CACNB2: variants seen among roughly 807,000 people sequenced by gnomAD.
The protein encoded by CACNB2 is calcium voltage-gated channel auxiliary subunit beta 2, also known as voltage-dependent L-type calcium channel subunit beta-2.
In CACNB2, 42 loss-of-function variants were observed where a neutral mutation model predicts 73.3. The ratio of observed to expected loss-of-function variants is 0.57; its 90% CI spans 0.45 to 0.74. CACNB2 has a LOEUF of 0.74. Among genes scored for constraint, CACNB2 ranks in the 30% least tolerant of loss-of-function variants. CACNB2 has a pLI of 0.00. For missense variants in CACNB2, 940 were observed against 853.0 expected (o/e 1.10, Z -1.27); for synonymous variants, 348 against 310.3 (o/e 1.12, Z -1.28).
chr10:18,403,518 C>T (rs1174121569), intron 3 of CACNB2, among the ~76,000 whole-genome samples: 5 of 152,106 alleles, frequency 3.3e-5, no homozygotes, highest in Non-Finnish European at 7.3e-5. Flanking sequence ...GTTTCTCGGG[C>T]TTATATGCCA....
chr10:18,230,766 T>G (rs1200904787), intron 2 of CACNB2, among the ~76,000 whole-genome samples: 3 of 152,100 alleles, frequency 2.0e-5, no homozygotes, highest in African/African-American at 7.2e-5. Context: ...TTTATTTCTT[T>G]AATGTAAATG....
intron 3 of CACNB2, among the ~76,000 whole-genome samples, chr10:18,444,533 C>T (rs1350991705): frequency 6.6e-6 from 1 of 152,132 alleles, no homozygotes; most frequent in African/African-American, 2.4e-5. Context: ...TCTCAGTATC[C>T]AAGTTTTATG....
intron 2 of CACNB2, among the ~76,000 whole-genome samples, chr10:18,361,326 C>G (rs1221340826): frequency 7.1e-6 from 1 of 139,894 alleles, no homozygotes; most frequent in African/African-American, 2.7e-5. Flanking sequence ...CCTGTCTCTA[C>G]AAAAAATTAA....
chr10:18,416,322 A>T (rs1463274678), intron 3 of CACNB2, among the ~76,000 whole-genome samples: 1 of 152,204 alleles, frequency 6.6e-6, no homozygotes, highest in Admixed American at 6.5e-5. Flanking sequence ...ATTCCATTAC[A>T]TGTATAGACC....
intron 3 of CACNB2, among the ~76,000 whole-genome samples, chr10:18,490,838 C>T (rs2049368541): frequency 8.4e-6 from 1 of 118,702 alleles, no homozygotes; most frequent in Non-Finnish European, 1.7e-5. Context: ...TCTGATAAAC[C>T]CGGGCCGGTG....
intron 9 of CACNB2, among the ~76,000 whole-genome samples, chr10:18,526,921 C>A (rs781411116): frequency 6.6e-6 from 1 of 152,182 alleles, no homozygotes; most frequent in Non-Finnish European, 1.5e-5. Flanking sequence ...TAGTTACATA[C>A]ATACCCTTGG....
chr10:18,231,247 GCTCACT>G, intron 2 of CACNB2, among the ~76,000 whole-genome samples: 1 of 152,110 alleles, frequency 6.6e-6, no homozygotes, highest in Admixed American at 6.6e-5. Flanking sequence ...CCCGATCTCG[GCTCACT>G]GCAACCTCCA....
intron 2 of CACNB2, among the ~76,000 whole-genome samples, chr10:18,245,399 G>A (rs1006330256): frequency 6.6e-6 from 1 of 152,118 alleles, no homozygotes; most frequent in African/African-American, 2.4e-5. Context: ...GCTCACTGCA[G>A]CCTCTGTCCT....
chr10:18,298,595 C>T (rs939898898), intron 2 of CACNB2, among the ~76,000 whole-genome samples: 5 of 151,714 alleles, frequency 3.3e-5, no homozygotes, highest in Admixed American at 6.6e-5. Context: ...TAGCCAGTTC[C>T]AAGAGATCTG....
At position 18,539,989 on chromosome 10, in the gene CACNB2, T is replaced by C; in HGVS notation, c.*265T>C. 1 of 377,938 alleles carries C rather than the reference T, an allele frequency of 2.6e-6. No homozygotes were observed. Among genetic ancestry groups the C allele is most frequent in the Non-Finnish European group, 4.8e-6 (1 of 208,440 alleles). 23.4% of individuals were successfully genotyped at this position (377,938 alleles called of 1,614,324 possible). A position where few individuals can be genotyped will look rare whatever the true frequency, so the allele number is the denominator to read the frequency against. On this transcript the variant is annotated 3_prime_UTR_variant, in exon 14 of 14. Coordinates refer to ENST00000324631, the MANE Select transcript of CACNB2 (RefSeq NM_201596.3). ...CTCTTCAAAAACTGTTTTGGGTAGC[T>C]GCCACTTGAACAAAATCTGTTGCCA...
chr10:18,509,078 C>T (rs1446560907), intron 6 of CACNB2, among the ~76,000 whole-genome samples: 1 of 152,148 alleles, frequency 6.6e-6, no homozygotes, highest in African/African-American at 2.4e-5. Context: ...TCACTTGGAG[C>T]TATAACCAAC....
At chr10:18,264,627 C>T (rs2037707431) in intron 2 of CACNB2, among the ~76,000 whole-genome samples, 2 of 152,194 alleles carry the variant, frequency 1.3e-5, no homozygotes, top group South Asian at 4.1e-4. Flanking sequence ...ATGTACTCTC[C>T]TCTCATCCAG....
chr10:18,504,665 G>C (rs532166843), intron 5 of CACNB2, among the ~76,000 whole-genome samples: 15 of 152,216 alleles, frequency 9.9e-5, no homozygotes, highest in African/African-American at 3.6e-4. Flanking sequence ...GTGTGTGTGA[G>C]ACAGAGCCTC....
At chr10:18,534,021 T>TTTTAC (rs2053316877) in intron 10 of CACNB2, 55 bp from the exon 11 acceptor site, 1 of 1,579,062 alleles carries the variant, frequency 6.3e-7, no homozygotes, top group Admixed American at 1.7e-5. Flanking sequence ...CAGTATACCA[T>TTTTAC]TTTACTTTAT....
At chr10:18,291,826 T>TA (rs1199645624) in intron 2 of CACNB2, among the ~76,000 whole-genome samples, 3 of 152,226 alleles carry the variant, frequency 2.0e-5, no homozygotes, top group Non-Finnish European at 2.9e-5. Flanking sequence ...TTTAAGAACT[T>TA]AAAGACATCT....
chr10:18,192,399 G>T lies in CACNB2; in HGVS notation c.213+41424G>T, dbSNP rs556823171. 1.5e-4 allele frequency among the ~76,000 whole-genome samples: 23 copies of T among 152,082 alleles called. No individual in the cohort carries two copies. The South Asian group carries it at 4.8e-3, about 32-fold the overall frequency. Reference sequence around the variant, plus strand: ...GTCTCCCTTTGTCACCCAGGCTGGGGTCCAGTGGTGTGATCATGGCTGACT... The same window carrying T: ...GTCTCCCTTTGTCACCCAGGCTGGGTTCCAGTGGTGTGATCATGGCTGACT... On this transcript the variant is annotated intron_variant, in intron 2 of 13. Coordinates refer to ENST00000324631, the MANE Select transcript of CACNB2 (RefSeq NM_201596.3).
At chr10:18,522,140 C>CT (rs1365788515) in intron 9 of CACNB2, among the ~76,000 whole-genome samples, 1 of 151,968 alleles carries the variant, frequency 6.6e-6, no homozygotes, top group Non-Finnish European at 1.5e-5. Flanking sequence ...TTAGGACAGT[C>CT]TAATGCCTGG....
intron 2 of CACNB2, among the ~76,000 whole-genome samples, chr10:18,216,151 G>A (rs1405668985): frequency 1.3e-5 from 2 of 149,134 alleles, no homozygotes; most frequent in Admixed American, 1.3e-4. Flanking sequence ...AAAAAAAATA[G>A]CCAAATGTGT....
At chr10:18,224,548 A>G (rs1433393349) in intron 2 of CACNB2, among the ~76,000 whole-genome samples, 5 of 152,144 alleles carry the variant, frequency 3.3e-5, no homozygotes, top group Middle Eastern at 3.2e-3. Context: ...AGATGCTCAT[A>G]TTCTCATTTT....
Sources: allele counts gnomAD v4.1 joint callset (sites outside exome capture counted in the v4.1 genomes callset), GRCh38; gene constraint gnomAD v4.1.1; transcripts MANE v1.5; gene names NCBI Gene and HGNC (gene_info 2026-07-23, HGNC 2026-07-21).